The following FECH variants were observed in gnomAD, a reference collection of about 807,000 sequenced individuals.
FECH encodes the protein ferrochelatase, mitochondrial.
In FECH, 40 loss-of-function variants were observed where a neutral mutation model predicts 56.9. The ratio of observed to expected loss-of-function variants is 0.70; its 90% CI spans 0.55 to 0.92. The LOEUF is 0.92. FECH is among the 40% of genes least tolerant of loss of function. FECH has a pLI of 0.00. For missense variants in FECH, 431 were observed against 529.1 expected (o/e 0.81, Z 1.82); for synonymous variants, 175 against 198.6 (o/e 0.88, Z 1.00).
chr18:57,575,424 T>C (rs1255101946), intron 2 of FECH, among the ~76,000 whole-genome samples: 8 of 152,214 alleles, frequency 5.3e-5, no homozygotes, highest in African/African-American at 2.4e-5. Context: ...AAACTAAAGA[T>C]ACTATGATGA....
chr18:57,572,588 T>TA (rs1555681064), intron 3 of FECH, among the ~76,000 whole-genome samples: 1 of 63,112 alleles, frequency 1.6e-5, no homozygotes, highest in African/African-American at 6.8e-5. Context: ...TGTAACGAAG[T>TA]GGGGGGGGGG....
rs138840143 is a variant in FECH at position 57,554,938 on chromosome 18, G to A, written c.819C>T (p.Gly273=). Reference sequence around the variant, plus strand: ...CGCTTACCTCCTGAGGATATGGGTCGCCTCTGTTGACCACCTGCAGCAGAG... The same window carrying A: ...CGCTTACCTCCTGAGGATATGGGTCACCTCTGTTGACCACCTGCAGCAGAG... ...HSLPMSVVNR[G]DPYPQEVSAT... is the part of the protein sequence containing the mutation. The change falls in exon 8 of 11, where the codon GGC becomes GGT. Residue 273 remains glycine, a synonymous_variant. Coordinates refer to ENST00000262093, the MANE Select transcript of FECH (RefSeq NM_000140.5). The A allele has an allele frequency of 1.3e-4, 210 of 1,613,960 alleles. No individual in the cohort carries two copies. The highest frequency in any genetic ancestry group is 1.6e-4 in the Non-Finnish European group (192 of 1,179,888).
Position 57,552,870 on chromosome 18 carries a change from T to C in FECH, c.1077+1390A>G, listed in dbSNP as rs192552006. Among the ~76,000 whole-genome samples the C allele has an allele frequency of 1.4e-3, 217 of 152,258 alleles. 1 individual carries two copies. Among genetic ancestry groups the C allele is most frequent in the African/African-American group, 4.5e-3 (185 of 41,556 alleles). ...GTTGGTAAAGGGCATTCTCCAACAATGTTGATGGGAGAGTCAGCGATACAC... is the reference window on the plus strand; with the variant it reads ...GTTGGTAAAGGGCATTCTCCAACAACGTTGATGGGAGAGTCAGCGATACAC... On this transcript the variant is annotated intron_variant, in intron 9 of 10. Transcript: ENST00000262093.
chr18:57,572,835 G>A (rs929920203), intron 3 of FECH, among the ~76,000 whole-genome samples: 1 of 152,030 alleles, frequency 6.6e-6, no homozygotes, highest in Non-Finnish European at 1.5e-5. Flanking sequence ...AAAAAGGAGA[G>A]AAGGAAGAAG....
Position 57,558,298 on chromosome 18 carries a change from C to T in FECH, c.804+847G>A, listed in dbSNP as rs181885738. Among the ~76,000 whole-genome samples, 59 of 152,310 alleles carry T rather than the reference C, an allele frequency of 3.9e-4. 1 individual carries two copies. The highest frequency in any genetic ancestry group is 3.8e-3 in the Admixed American group (58 of 15,302). The stretch of plus-strand genomic sequence containing the variant: ...ACACTAGCTTGATCATTCTTGTTTC[C>T]AACAATACAACAGCTATGGCACAGA... On this transcript the variant is annotated intron_variant, in intron 7 of 10. Transcript: ENST00000262093.
intron 4 of FECH, among the ~76,000 whole-genome samples, chr18:57,567,058 C>A (rs684696): frequency 6.6e-6 from 1 of 152,000 alleles, no homozygotes; most frequent in African/African-American, 2.4e-5. Context: ...TGCAGGTGGT[C>A]GAGCTGGAAT....
intron 10 of FECH, 44 bp downstream of exon 10, chr18:57,551,271 C>A (rs1394175997): frequency 2.2e-6 from 3 of 1,376,064 alleles, no homozygotes; most frequent in Admixed American, 1.7e-5. Flanking sequence ...CAGAGGATTA[C>A]TCTCTGGTAT....
At chr18:57,551,907 G>A (rs1283664375) in intron 9 of FECH, among the ~76,000 whole-genome samples, 2 of 145,242 alleles carry the variant, frequency 1.4e-5, no homozygotes, top group East Asian at 3.9e-4. Flanking sequence ...TTTTTGAGAT[G>A]GAGTCTTGCT....
intron 4 of FECH, among the ~76,000 whole-genome samples, chr18:57,568,045 T>A (rs1790619): frequency 1.3e-5 from 2 of 152,044 alleles, no homozygotes; most frequent in Non-Finnish European, 2.9e-5. Flanking sequence ...AAAGATTATG[T>A]GCTTTGTGCT....
chr18:57,579,505 G>A (rs918435099), intron 2 of FECH, among the ~76,000 whole-genome samples: 11 of 152,096 alleles, frequency 7.2e-5, no homozygotes, highest in South Asian at 4.2e-4. Context: ...ACTTGGGAGC[G>A]GTTGTGACTC....
At chr18:57,584,373 T>C (rs932948575) in intron 1 of FECH, among the ~76,000 whole-genome samples, 1 of 149,304 alleles carries the variant, frequency 6.7e-6, no homozygotes, top group South Asian at 2.1e-4. Context: ...TCATAATTCC[T>C]GGACAAATCC....
At chr18:57,577,881 C>T (rs2051205818) in intron 2 of FECH, among the ~76,000 whole-genome samples, 1 of 151,940 alleles carries the variant, frequency 6.6e-6, no homozygotes, top group African/African-American at 2.4e-5. Context: ...ACAGTAAGAC[C>T]TCGTCTCTAT....
In FECH at chr18:57,555,414, G is replaced by C. The variant is rs558760909; in HGVS notation, c.805-462C>G. On this transcript the variant is annotated intron_variant, in intron 7 of 10. Coordinates refer to ENST00000262093, the MANE Select transcript of FECH (RefSeq NM_000140.5). ...GGTAAACCCTGGTGGAATTAGAGGAGGAAAGCAGCAGCACATCACTGCAGG... is the reference window on the plus strand; with the variant it reads ...GGTAAACCCTGGTGGAATTAGAGGACGAAAGCAGCAGCACATCACTGCAGG... 2.0e-5 allele frequency among the ~76,000 whole-genome samples: 3 copies of C among 152,290 alleles called. No individual in the cohort carries two copies. The South Asian group carries it at 6.2e-4, about 32-fold the overall frequency.
chr18:57,564,849 C>T (rs1342526746), intron 5 of FECH, among the ~76,000 whole-genome samples: 2 of 152,110 alleles, frequency 1.3e-5, no homozygotes, highest in African/African-American at 4.8e-5. Context: ...ACAAACAACC[C>T]AAAGAAGTCA....
chr18:57,585,713 G>A (rs149321062), intron 1 of FECH, among the ~76,000 whole-genome samples: 4 of 152,266 alleles, frequency 2.6e-5, no homozygotes, highest in Non-Finnish European at 5.9e-5. Flanking sequence ...GTCACCGTTC[G>A]GATGCATTGA....
chr18:57,563,374 G>T (rs377618644), intron 5 of FECH, among the ~76,000 whole-genome samples: 61 of 152,190 alleles, frequency 4.0e-4, no homozygotes, highest in African/African-American at 1.3e-3. Context: ...CTGAGGTTGG[G>T]AGTTTGACAC....
Position 57,586,606 on chromosome 18 carries a change from G to A in FECH, c.15C>T (p.Gly5=), listed in dbSNP as rs578112913. 5 of 1,522,920 alleles carry A rather than the reference G, an allele frequency of 3.3e-6. No individual in the cohort carries two copies. The highest frequency in any genetic ancestry group is 1.4e-5 in the African/African-American group (1 of 70,210). The allele number at this position is 1,522,920 out of a possible 1,614,324, so 94.3% of individuals were successfully genotyped here. The change falls in exon 1 of 11, where the codon GGC becomes GGT. Residue 5 remains glycine (G), a synonymous_variant. Coordinates refer to ENST00000262093, the MANE Select transcript of FECH (RefSeq NM_000140.5). MRSL[G]ANMAAALRAA... is the part of the protein sequence containing the mutation. ...CGCGCAGGGCCGCAGCCATGTTTGC[G>A]CCGAGTGAACGCATTGCCTGGGCAG...
intron 1 of FECH, among the ~76,000 whole-genome samples, chr18:57,580,483 C>T (rs1017078791): frequency 1.1e-4 from 16 of 152,034 alleles, no homozygotes; most frequent in Non-Finnish European, 1.8e-4. Flanking sequence ...TGATACAATC[C>T]CTCACAAGAA....
chr18:57,556,074 A>G (rs1248648069), intron 7 of FECH, among the ~76,000 whole-genome samples: 2 of 152,220 alleles, frequency 1.3e-5, no homozygotes, highest in Non-Finnish European at 2.9e-5. Context: ...AGCTGCAGTG[A>G]GCCGAGATTG....
Sources: gnomAD v4.1 joint callset for allele counts (sites outside exome capture counted in the v4.1 genomes callset) on GRCh38, gnomAD v4.1.1 for gene constraint, MANE v1.5 for transcripts, NCBI Gene and HGNC (gene_info 2026-07-23, HGNC 2026-07-21) for gene names.